Variants in CD163L1 observed in about 807,000 individuals in gnomAD.
CD163L1 encodes the protein CD163 molecule like 1.
A neutral mutation model predicts 165.4 loss-of-function variants in CD163L1; 124 were observed. That is an observed-to-expected ratio of 0.75 (90% CI 0.65 to 0.87). The LOEUF is 0.87. CD163L1 is among the 40% of genes least tolerant of loss of function. The pLI is 0.00. For synonymous variants in CD163L1, 585 were observed against 662.2 expected (o/e 0.88, Z 1.79); for missense variants, 1,525 against 1,799.9 (o/e 0.85, Z 2.76).
At position 7,439,179 on chromosome 12, in the gene CD163L1, G is replaced by A; in HGVS notation, c.124+1975C>T. 5 of 1,576,004 alleles carry A rather than the reference G, an allele frequency of 3.2e-6. No individual in the cohort carries two copies. In the South Asian group the frequency reaches 5.9e-5, roughly 19 times the overall value. On this transcript the variant is annotated intron_variant, in intron 2 of 19. Transcript: ENST00000313599. ...CCTTCATTGTCATCCTCCGGAAAGG[G>A]GGAATCATTAAGTACACTTGATTCA...
intron 6 of CD163L1, among the ~76,000 whole-genome samples, chr12:7,399,465 T>C: frequency 2.7e-5 from 4 of 150,864 alleles, no homozygotes; most frequent in Non-Finnish European, 4.4e-5. Flanking sequence ...CCCTTTCCCT[T>C]CTTTCCTTCC....
Position 7,374,619 on chromosome 12 carries a change from C to T in CD163L1, c.3232G>A (p.Gly1078Ser). Reference sequence around the variant, plus strand: ...GTGGCATTGAAGGCCACTCCACAGCCCAGCTTTTGACACACCACGTGGGCA... The same window carrying T: ...GTGGCATTGAAGGCCACTCCACAGCTCAGCTTTTGACACACCACGTGGGCA... The part of the protein sequence containing the change: ...SDAHVVCQKL[G>S]CGVAFNATVS... Residue 1078 changes from glycine to serine, a missense_variant, in exon 13 of 20, where the codon GGC (glycine) becomes AGC (serine). By Grantham distance (56) the Gly-to-Ser change is moderately conservative. Coordinates refer to ENST00000313599, the MANE Select transcript of CD163L1 (RefSeq NM_174941.6). The surrounding 1 kb of genome is among the most constrained non-coding windows in gnomAD (Gnocchi z 5.4). The T allele has an allele frequency of 6.2e-7, 1 of 1,614,226 alleles. No individual in the cohort carries two copies.
chr12:7,394,132 G>A (rs1165460377), intron 8 of CD163L1, among the ~76,000 whole-genome samples: 1 of 150,838 alleles, frequency 6.6e-6, no homozygotes, highest in Non-Finnish European at 1.5e-5. Flanking sequence ...AAATCACATA[G>A]CCAAGACAAT....
chr12:7,373,137 C>T (rs1405649964), intron 14 of CD163L1, among the ~76,000 whole-genome samples, 183 bp downstream of exon 14: 1 of 152,062 alleles, frequency 6.6e-6, no homozygotes, highest in Non-Finnish European at 1.5e-5. Flanking sequence ...TTTTAAATAC[C>T]CTGTAAAATA....
intron 5 of CD163L1, among the ~76,000 whole-genome samples, chr12:7,404,205 A>G (rs889939353): frequency 6.6e-6 from 1 of 152,192 alleles, no homozygotes; most frequent in Non-Finnish European, 1.5e-5. Flanking sequence ...CCTATATATC[A>G]TTAATTACAT....
chr12:7,350,746 T>C (rs1430232620), downstream of CD163L1, among the ~76,000 whole-genome samples: 1 of 152,210 alleles, frequency 6.6e-6, no homozygotes, highest in Non-Finnish European at 1.5e-5. Flanking sequence ...AGAAATGATG[T>C]TTGTTCATTT....
chr12:7,422,902 C>T (rs1327174225), intron 4 of CD163L1, among the ~76,000 whole-genome samples: 1 of 151,528 alleles, frequency 6.6e-6, no homozygotes. Flanking sequence ...ACCCCACTTC[C>T]AATATTAGAA....
At chr12:7,376,577 A>T (rs74056468) in intron 9 of CD163L1, among the ~76,000 whole-genome samples, 2 of 152,160 alleles carry the variant, frequency 1.3e-5, no homozygotes, top group Non-Finnish European at 1.5e-5. Context: ...TTTCTTATAG[A>T]TATCTCAATG....
In CD163L1 at chr12:7,369,689, G is replaced by C. The variant is rs765542776; in HGVS notation, c.3731-24C>G. On this transcript the variant is annotated intron_variant, in intron 14 of 19. Coordinates refer to ENST00000313599, the MANE Select transcript of CD163L1 (RefSeq NM_174941.6). This position sits in a 1 kb window ranked among gnomAD's most constrained non-coding sequence, Gnocchi z 4.9. ...ATCTACAAAGGCACAAAACATGGCT[G>C]TCTTTACTCCTGAAGGAGGTTGTGG... 6.3e-7 allele frequency: 1 copy of C among 1,594,940 alleles called. No homozygotes were observed. Among genetic ancestry groups the C allele is most frequent in the South Asian group, 1.1e-5 (1 of 89,370 alleles).
Position 7,368,719 on chromosome 12 carries a change from C to T in CD163L1, c.4072+214G>A. 1 of 558,304 alleles carries T rather than the reference C, an allele frequency of 1.8e-6. No individual in the cohort carries two copies. The allele number at this position is 558,304 out of a possible 1,614,324, so 34.6% of individuals were successfully genotyped here. On this transcript the variant is annotated intron_variant, in intron 16 of 19. Coordinates refer to ENST00000313599, the MANE Select transcript of CD163L1 (RefSeq NM_174941.6). This position sits in a 1 kb window ranked among gnomAD's most constrained non-coding sequence, Gnocchi z 4.3. ...TTATCTATGAGGGTACCATGAGAGTCTTATCCTTCTCTGCATGTAAAAAGG... is the reference window on the plus strand; with the variant it reads ...TTATCTATGAGGGTACCATGAGAGTTTTATCCTTCTCTGCATGTAAAAAGG...
At chr12:7,332,756 C>T in the CD163L1 span, among the ~76,000 whole-genome samples, 1 of 152,146 alleles carries the variant, frequency 6.6e-6, no homozygotes, top group East Asian at 1.9e-4. Context: ...CACCACCAGA[C>T]CTGCCCTAAA....
At chr12:7,359,279 AAAAC>A (rs1248396668) in intron 18 of CD163L1, among the ~76,000 whole-genome samples, 5 of 151,984 alleles carry the variant, frequency 3.3e-5, no homozygotes, top group African/African-American at 1.2e-4. Flanking sequence ...CCAAAAAAAC[AAAAC>A]AAACAAACAA....
chr12:7,367,997 G>T, intron 17 of CD163L1, 90 bp downstream of exon 17: 3 of 766,380 alleles, frequency 3.9e-6, no homozygotes, highest in Non-Finnish European at 6.9e-6. Flanking sequence ...AGTGGCAAGT[G>T]CATTTCTTCC....
At position 7,367,177 on chromosome 12, in the gene CD163L1, C is replaced by A. The variant is rs113384469; in HGVS notation, c.4279+59G>T. 1.5e-4 allele frequency: 149 copies of A among 980,234 alleles called. 2 individuals carry two copies. The African/African-American group carries it at 2.2e-3, about 14-fold the overall frequency. 60.7% of individuals were successfully genotyped at this position (980,234 alleles called of 1,614,324 possible). A position where few individuals can be genotyped will look rare whatever the true frequency, so the allele number is the denominator to read the frequency against. ...TCGAGTGGGAGTTCCTAAATATCAG[C>A]GGTATTTCCTCATATTCCCACCCTC... On this transcript the variant is annotated intron_variant, in intron 18 of 19. Coordinates refer to ENST00000313599, the MANE Select transcript of CD163L1 (RefSeq NM_174941.6).
At chr12:7,405,140 G>C (rs1207810034) in intron 5 of CD163L1, among the ~76,000 whole-genome samples, 1 of 152,080 alleles carries the variant, frequency 6.6e-6, no homozygotes. Flanking sequence ...TCTTCCAGAG[G>C]CAAATAGTTC....
At chr12:7,438,099 G>A (rs1948763963) in intron 2 of CD163L1, among the ~76,000 whole-genome samples, 1 of 151,900 alleles carries the variant, frequency 6.6e-6, no homozygotes, top group South Asian at 2.1e-4. Flanking sequence ...CTTCTCCACT[G>A]CATTTTCTAA....
chr12:7,395,170 A>G (rs981459464), intron 8 of CD163L1, among the ~76,000 whole-genome samples: 1 of 152,236 alleles, frequency 6.6e-6, no homozygotes, highest in African/African-American at 2.4e-5. Context: ...CACTATTCAC[A>G]ATAGCAAAGA....
chr12:7,419,906 C>T (rs747355794), intron 4 of CD163L1, among the ~76,000 whole-genome samples: 25 of 152,078 alleles, frequency 1.6e-4, no homozygotes, highest in African/African-American at 6.0e-4. Context: ...ATAGCCAAAG[C>T]AAGACTAAGC....
intron 11 of CD163L1, 104 bp downstream of exon 11, chr12:7,375,177 C>T: frequency 8.5e-7 from 1 of 1,172,986 alleles, no homozygotes; most frequent in Non-Finnish European, 1.2e-6. Context: ...ATCCCCCCTC[C>T]ACCTGCACCC....
Sources: gnomAD v4.1 joint callset for allele counts (sites outside exome capture counted in the v4.1 genomes callset) on GRCh38, gnomAD v4.1.1 for gene constraint, Gnocchi (gnomAD v3.1) non-coding constraint, MANE v1.5 for transcripts, NCBI Gene and HGNC (gene_info 2026-07-23, HGNC 2026-07-21) for gene names.